The following FBXL18 variants were observed in gnomAD, a reference collection of about 807,000 sequenced individuals.
FBXL18 encodes F-box/LRR-repeat protein 18.
Under a neutral mutation model 46.0 loss-of-function variants are expected in FBXL18, and 36 were observed. The ratio of observed to expected loss-of-function variants is 0.78; its 90% CI spans 0.60 to 1.03. The LOEUF (loss-of-function observed/expected upper bound fraction) is 1.03, where lower values mean the gene tolerates loss of function less well. Ranked by LOEUF, FBXL18 falls within the 50% of genes least tolerant of loss-of-function variation. The pLI is 0.00. For synonymous variants in FBXL18, 557 were observed against 465.3 expected, an observed-to-expected ratio of 1.20 and a Z score of -2.54; for missense variants, 977 against 1,004.1, an observed-to-expected ratio of 0.97 and a Z score of 0.36.
chr7:5,495,795 G>T, intron 3 of FBXL18: 1 of 473,818 alleles, frequency 2.1e-6, no homozygotes, highest in Non-Finnish European at 4.4e-6. Context: ...CCTTGCCGCA[G>T]AAGGCAGGAA....
chr7:5,490,984 A>C (rs571316169), intron 4 of FBXL18, among the ~76,000 whole-genome samples: 25 of 152,262 alleles, frequency 1.6e-4, no homozygotes, highest in African/African-American at 4.8e-4. Context: ...AATAAGAAGA[A>C]GACTTTTGTA....
intron 4 of FBXL18, among the ~76,000 whole-genome samples, chr7:5,462,142 G>A (rs555268217): frequency 1.3e-5 from 2 of 150,212 alleles, no homozygotes; most frequent in African/African-American, 2.4e-5. Context: ...GCAGGAGAAT[G>A]GCTTGAACCC....
rs1026995489 is a variant in FBXL18, at chr7:5,501,753, G to A, written c.516C>T (p.Arg172=). ...ACAGCGTCTGCTTGAGCTCCCGCAC[G>A]CGGCTCAGGGTGGCCTTGCACTCGC... ...LSSECKATLS[R]VRELKQTLFT... The change falls in exon 3 of 5, where the codon CGC becomes CGT. Residue 172 remains arginine, a synonymous_variant. Coordinates refer to ENST00000382368, the MANE Select transcript of FBXL18 (RefSeq NM_024963.6). 1.9e-6 allele frequency: 3 copies of A among 1,559,290 alleles called. No homozygotes were observed. The highest frequency in any genetic ancestry group is 1.9e-5 in the Admixed American group (1 of 51,688).
In FBXL18 at chr7:5,500,664, G is replaced by C. The variant is rs752624390; in HGVS notation, c.1605C>G (p.His535Gln). The C allele has an allele frequency of 1.2e-6, 2 of 1,611,610 alleles. No homozygotes were observed. Among genetic ancestry groups the C allele is most frequent in the African/African-American group, 1.3e-5 (1 of 74,924 alleles). ...CGCTGGGCAGCTGTGCGAGCGTCAG[G>C]TGCCGCAGGAAGGCCAGCTGGCCGA... ...AAIGQLAFLR[H>Q]LTLAQLPSVL... The change falls in exon 3 of 5, where the codon CAC becomes CAG. Residue 535 changes from histidine to glutamine, a missense_variant. Transcript: ENST00000382368.
intron 2 of FBXL18, among the ~76,000 whole-genome samples, chr7:5,503,726 T>G (rs1784324709): frequency 6.6e-6 from 1 of 151,920 alleles, no homozygotes; most frequent in South Asian, 2.1e-4. Context: ...CCCAGCACTT[T>G]GGGAGGCTGA....
intron 2 of FBXL18, among the ~76,000 whole-genome samples, chr7:5,504,627 A>G (rs189994332): frequency 1.2e-4 from 17 of 140,310 alleles, no homozygotes; most frequent in Admixed American, 9.1e-4. Flanking sequence ...TTTAAGATTC[A>G]TTACCAGGCC....
chr7:5,475,778 G>T (rs1218569035), downstream of FBXL18: 4 of 152,318 alleles, frequency 2.6e-5, no homozygotes, highest in African/African-American at 9.6e-5. The surrounding 1 kb of genome is among the most constrained non-coding windows in gnomAD (Gnocchi z 4.2). Flanking sequence ...ATCCGTGCTG[G>T]AAGGACCACA....
chr7:5,458,021 G>A (rs569735263), intron 4 of FBXL18, among the ~76,000 whole-genome samples: 18 of 152,150 alleles, frequency 1.2e-4, no homozygotes, highest in African/African-American at 4.3e-4. Flanking sequence ...TTGCTCCGGC[G>A]GATTCAAGCC....
At chr7:5,471,329 T>C (rs13247205), downstream of FBXL18, among the ~76,000 whole-genome samples, 7,277 of 152,130 alleles carry the variant, frequency 0.048, 241 homozygotes, top group Admixed American at 0.061. Flanking sequence ...CAGGCTGGAG[T>C]GCAGTGGCGC....
Position 5,477,484 on chromosome 7 carries a change from C to G in FBXL18, c.*4291G>C, listed in dbSNP as rs556587146. Among the ~76,000 whole-genome samples the G allele has an allele frequency of 4.6e-5, 7 of 151,668 alleles. No individual in the cohort carries two copies. Among genetic ancestry groups the G allele is most frequent in the African/African-American group, 1.5e-4 (6 of 40,994 alleles). ...TTGGGAGGCCGAGGCAGGAGAATCA[C>G]TTGAGGTCAGGAGTTCAAGGCCAGC... On this transcript the variant is annotated 3_prime_UTR_variant, in exon 5 of 5. Transcript: ENST00000382368. The surrounding 1 kb of genome is among the most constrained non-coding windows in gnomAD (Gnocchi z 4.4).
At position 5,460,220 on chromosome 7, in the gene FBXL18, T is replaced by C. The variant is rs138101369; in HGVS notation, c.2001-12377A>G. ...AGTGAGCCAAGATCGCACTTCAGCCTGGGCGACAGAGTGAGTGAGACTCGG... is the reference window on the plus strand; with the variant it reads ...AGTGAGCCAAGATCGCACTTCAGCCCGGGCGACAGAGTGAGTGAGACTCGG... On this transcript the variant is annotated intron_variant and NMD_transcript_variant, in intron 4 of 6. Transcript: ENST00000415009. Among the ~76,000 whole-genome samples, 887 of 152,270 alleles carry C rather than the reference T, an allele frequency of 5.8e-3. 6 individuals carry two copies. Among genetic ancestry groups the C allele is most frequent in the African/African-American group, 0.02 (822 of 41,560 alleles).
chr7:5,461,375 TGG>T (rs1349560123), intron 4 of FBXL18, among the ~76,000 whole-genome samples: 3 of 152,196 alleles, frequency 2.0e-5, no homozygotes, highest in African/African-American at 2.4e-5. Flanking sequence ...CAGACCAGCC[TGG>T]GCAACATACT....
intron 4 of FBXL18, among the ~76,000 whole-genome samples, chr7:5,454,467 A>G (rs1473040027): frequency 2.0e-5 from 3 of 152,224 alleles, no homozygotes; most frequent in Non-Finnish European, 4.4e-5. Context: ...ATAGAAAAGA[A>G]TAACTTAAAA....
intron 4 of FBXL18, among the ~76,000 whole-genome samples, chr7:5,463,766 A>T (rs1279571131): frequency 1.1e-5 from 1 of 95,102 alleles, no homozygotes; most frequent in Non-Finnish European, 2.0e-5. Context: ...TTTGAGACGG[A>T]GTCTCGCTCT....
Position 5,479,413 on chromosome 7 carries a change from G to C in FBXL18, c.*2362C>G, listed in dbSNP as rs1283181957. On this transcript the variant is annotated 3_prime_UTR_variant, in exon 5 of 5. Coordinates refer to ENST00000382368, the MANE Select transcript of FBXL18 (RefSeq NM_024963.6). ...AGAGACACAGGCCCCCTGAGGGTCCGGGAACCTCCCAGGCCACTCGCCCCT... is the reference window on the plus strand; with the variant it reads ...AGAGACACAGGCCCCCTGAGGGTCCCGGAACCTCCCAGGCCACTCGCCCCT... The C allele has an allele frequency of 1.3e-5, 2 of 152,286 alleles. No individual in the cohort carries two copies. The highest frequency in any genetic ancestry group is 4.8e-5 in the African/African-American group (2 of 41,448). 9.4% of individuals were successfully genotyped at this position (152,286 alleles called of 1,614,324 possible).
At chr7:5,468,229 C>T (rs559171211) in intron 4 of FBXL18, among the ~76,000 whole-genome samples, 19 of 152,210 alleles carry the variant, frequency 1.2e-4, no homozygotes, top group South Asian at 2.1e-4. Context: ...GTGATCCGCC[C>T]GCCTCGGCCT....
intron 4 of FBXL18, among the ~76,000 whole-genome samples, chr7:5,463,736 T>A (rs200872381): frequency 0.011 from 158 of 14,680 alleles, 1 homozygote; most frequent in East Asian, 0.044. Context: ...TTATTTTTTT[T>A]TTTTTTTTTT....
rs576392716 is a variant in FBXL18 at position 5,508,921 on chromosome 7, C to G, written c.19-3291G>C. Among the ~76,000 whole-genome samples, 3 of 152,226 alleles carry G rather than the reference C, an allele frequency of 2.0e-5. No homozygotes were observed. The South Asian group carries it at 6.2e-4, about 32-fold the overall frequency. On this transcript the variant is annotated intron_variant, in intron 1 of 4. Coordinates refer to ENST00000382368, the MANE Select transcript of FBXL18 (RefSeq NM_024963.6). ...CAGCACTGGGCCAGACGCTGTAATGCTGTGCTCACGCCTGTAAAACCAGCA... is the reference window on the plus strand; with the variant it reads ...CAGCACTGGGCCAGACGCTGTAATGGTGTGCTCACGCCTGTAAAACCAGCA...
intron 4 of FBXL18, among the ~76,000 whole-genome samples, chr7:5,468,230 G>A (rs1012236961): frequency 3.9e-5 from 6 of 152,186 alleles, no homozygotes; most frequent in Admixed American, 6.5e-5. Context: ...TGATCCGCCC[G>A]CCTCGGCCTC....
Sources: allele counts gnomAD v4.1 joint callset (sites outside exome capture counted in the v4.1 genomes callset), GRCh38; gene constraint gnomAD v4.1.1; non-coding constraint Gnocchi (gnomAD v3.1); transcripts MANE v1.5; gene names NCBI Gene and HGNC (gene_info 2026-07-23, HGNC 2026-07-21).